CDH9: variants seen among roughly 807,000 people sequenced by gnomAD.
CDH9 encodes cadherin-9.
In CDH9, 28 loss-of-function variants were observed where a neutral mutation model predicts 70.9. The ratio of observed to expected loss-of-function variants is 0.40; its 90% CI spans 0.29 to 0.54. CDH9 has a LOEUF of 0.54. Among genes scored for constraint, CDH9 ranks in the 20% least tolerant of loss-of-function variants. CDH9 has a pLI of 0.59. For missense variants in CDH9, 874 were observed against 984.4 expected, an observed-to-expected ratio of 0.89 and a Z score of 1.50; for synonymous variants, 409 against 343.1, an observed-to-expected ratio of 1.19 and a Z score of -2.12.
chr5:26,973,630 T>G (rs1340191522), intron 2 of CDH9, among the ~76,000 whole-genome samples: 1 of 152,156 alleles, frequency 6.6e-6, no homozygotes, highest in Non-Finnish European at 1.5e-5. Flanking sequence ...TAGAAGAAAT[T>G]TCACCAATTC....
At chr5:26,912,372 C>G (rs192463046) in intron 3 of CDH9, among the ~76,000 whole-genome samples, 2 of 151,602 alleles carry the variant, frequency 1.3e-5, no homozygotes, top group Non-Finnish European at 1.5e-5. Flanking sequence ...TAATGTTAGT[C>G]TTTTATTTTC....
intron 2 of CDH9, among the ~76,000 whole-genome samples, chr5:26,944,267 CTTTTA>C (rs1741709668): frequency 6.7e-6 from 1 of 149,308 alleles, no homozygotes; most frequent in African/African-American, 2.5e-5. Flanking sequence ...TTATATCTAT[CTTTTA>C]TTTTATTTTT....
intron 2 of CDH9, among the ~76,000 whole-genome samples, chr5:26,967,139 A>G (rs1438223868): frequency 5.3e-5 from 8 of 151,600 alleles, no homozygotes; most frequent in Non-Finnish European, 5.9e-5. Context: ...TTTTTTGTGG[A>G]TACAGGTTCT....
intron 11 of CDH9, 31 bp downstream of exon 11, chr5:26,885,583 T>C (rs1342059395): frequency 6.3e-7 from 1 of 1,598,734 alleles, no homozygotes. Context: ...TTTTTGTGAG[T>C]TAAAGGATCA....
chr5:26,965,819 CA>C (rs1474555059), intron 2 of CDH9, among the ~76,000 whole-genome samples: 1 of 151,948 alleles, frequency 6.6e-6, no homozygotes, highest in East Asian at 1.9e-4. Flanking sequence ...TACAGATTCA[CA>C]AGCATTGCAA....
At chr5:27,009,516 A>C (rs909342110) in intron 1 of CDH9, among the ~76,000 whole-genome samples, 1 of 152,104 alleles carries the variant, frequency 6.6e-6, no homozygotes, top group African/African-American at 2.4e-5. Context: ...TTCTGCTAAG[A>C]GGGGCTCCCC....
intron 2 of CDH9, among the ~76,000 whole-genome samples, chr5:26,974,902 T>C (rs1040957467): frequency 6.6e-5 from 10 of 152,166 alleles, no homozygotes; most frequent in Non-Finnish European, 1.0e-4. Context: ...ATTGTAACTG[T>C]AGTCACCATG....
chr5:26,933,090 C>T (rs1209733377), intron 2 of CDH9, among the ~76,000 whole-genome samples: 1 of 145,686 alleles, frequency 6.9e-6, no homozygotes. Context: ...AAATATAATT[C>T]TATTTATATT....
At chr5:26,972,869 T>TC (rs1272939962) in intron 2 of CDH9, among the ~76,000 whole-genome samples, 1 of 151,764 alleles carries the variant, frequency 6.6e-6, no homozygotes, top group Admixed American at 6.6e-5. Context: ...ACTCAGATTT[T>TC]TTTTTTTTTT....
chr5:27,020,519 A>T (rs949298918), intron 1 of CDH9, among the ~76,000 whole-genome samples: 4 of 151,710 alleles, frequency 2.6e-5, no homozygotes, highest in African/African-American at 9.7e-5. Context: ...TTTTAGTGTT[A>T]GTACTGAATT....
rs555459802 is a variant in CDH9, at chr5:26,889,678, T to A, written c.1512+158A>T. Among the ~76,000 whole-genome samples the A allele has an allele frequency of 8.5e-4, 129 of 152,030 alleles. 1 individual carries two copies. Among genetic ancestry groups the A allele is most frequent in the African/African-American group, 2.5e-3 (104 of 41,518 alleles). On this transcript the variant is annotated intron_variant, in intron 9 of 11. Transcript: ENST00000231021. ...TAAAAACATTTTTAAATCACCTTTT[T>A]AAAAAATCACTGTGAGTTCTTTGTT...
intron 2 of CDH9, among the ~76,000 whole-genome samples, chr5:26,921,346 G>T (rs1400511023): frequency 6.6e-6 from 1 of 152,090 alleles, no homozygotes; most frequent in East Asian, 1.9e-4. Flanking sequence ...AGATACCAAG[G>T]CACGATAAGT....
At chr5:27,005,791 T>TA (rs901555456) in intron 1 of CDH9, among the ~76,000 whole-genome samples, 19 of 151,438 alleles carry the variant, frequency 1.3e-4, no homozygotes, top group South Asian at 8.4e-4. Context: ...ACAGACTGGA[T>TA]AAAAAAAAAT....
chr5:26,901,568 A>G (rs1740854544), intron 7 of CDH9, among the ~76,000 whole-genome samples: 1 of 151,890 alleles, frequency 6.6e-6, no homozygotes, highest in South Asian at 2.1e-4. Context: ...AAAGAATTTA[A>G]CCATTTTCCC....
At chr5:26,894,591 C>G (rs1258100641) in intron 7 of CDH9, among the ~76,000 whole-genome samples, 1 of 152,070 alleles carries the variant, frequency 6.6e-6, no homozygotes, top group Non-Finnish European at 1.5e-5. Context: ...TTTGTCAAAG[C>G]TCAGAGATAA....
At chr5:27,034,584 C>A (rs1743360776) in intron 1 of CDH9, among the ~76,000 whole-genome samples, 1 of 151,626 alleles carries the variant, frequency 6.6e-6, no homozygotes, top group Non-Finnish European at 1.5e-5. Flanking sequence ...CTCTCTTACA[C>A]ACACACACAC....
chr5:26,919,969 CT>C (rs1193552647), intron 2 of CDH9, among the ~76,000 whole-genome samples: 2 of 152,096 alleles, frequency 1.3e-5, no homozygotes, highest in African/African-American at 2.4e-5. Flanking sequence ...ACATTCCCAG[CT>C]GTGGTGGTCG....
intron 2 of CDH9, 39 bp downstream of exon 2, chr5:26,988,067 C>A: frequency 7.0e-7 from 1 of 1,433,154 alleles, no homozygotes; most frequent in Non-Finnish European, 9.7e-7. Context: ...AAATAGCTGT[C>A]ACTTTCAGCT....
At chr5:26,999,146 G>A (rs1024420630) in intron 1 of CDH9, among the ~76,000 whole-genome samples, 7 of 152,090 alleles carry the variant, frequency 4.6e-5, no homozygotes, top group African/African-American at 1.7e-4. Flanking sequence ...TTGGGAGGCT[G>A]AGGCAGGGGA....
Sources: gnomAD v4.1 joint callset for allele counts (sites outside exome capture counted in the v4.1 genomes callset) on GRCh38, gnomAD v4.1.1 for gene constraint, MANE v1.5 for transcripts, NCBI Gene and HGNC (gene_info 2026-07-23, HGNC 2026-07-21) for gene names.